CECR2: variants seen among roughly 807,000 people sequenced by gnomAD.
CECR2 encodes chromatin remodeling regulator CECR2.
CECR2 carries 30 observed loss-of-function variants against 154.5 expected under a neutral mutation model. The ratio of observed to expected loss-of-function variants is 0.19; its 90% CI spans 0.15 to 0.26. The LOEUF is 0.26. Ranked by LOEUF, CECR2 falls within the 10% of genes least tolerant of loss-of-function variation. The probability of loss-of-function intolerance (pLI) is 1.00; values close to 1 mark genes in which losing one functional copy is unlikely to be tolerated. For synonymous variants in CECR2, 725 were observed against 683.7 expected, an observed-to-expected ratio of 1.06 and a Z score of -0.94; for missense variants, 1,743 against 1,829.3, an observed-to-expected ratio of 0.95 and a Z score of 0.86.
intron 1 of CECR2, among the ~76,000 whole-genome samples, chr22:17,463,365 C>T (rs2054974240): frequency 6.7e-6 from 1 of 149,782 alleles, no homozygotes. Flanking sequence ...GTTTCGAAGG[C>T]TCACTAGCTG....
intron 7 of CECR2, among the ~76,000 whole-genome samples, chr22:17,505,883 C>T (rs1036314490): frequency 3.9e-5 from 5 of 127,294 alleles, no homozygotes; most frequent in South Asian, 2.7e-4. Context: ...CTCACTTTGT[C>T]GCCCAGACTG....
intron 1 of CECR2, among the ~76,000 whole-genome samples, chr22:17,397,202 T>A (rs2053824680): frequency 6.6e-6 from 1 of 152,108 alleles, no homozygotes; most frequent in African/African-American, 2.4e-5. Flanking sequence ...AGTGGCGTGA[T>A]CTCAGCTCAC....
rs1420996071 is a variant in CECR2, at chr22:17,497,392, C to G, written c.222-11C>G. The stretch of plus-strand genomic sequence containing the variant: ...TATTAATGTATTTTTGTGTTTGGGG[C>G]CCTGGTCTAGGCCTCAGACATTCCA... On this transcript the variant is annotated splice_polypyrimidine_tract_variant and intron_variant, in intron 2 of 18. Coordinates refer to ENST00000262608, the MANE Select transcript of CECR2 (RefSeq NM_001290047.2). 6.2e-7 allele frequency: 1 copy of G among 1,608,814 alleles called. No homozygotes were observed. Among genetic ancestry groups the G allele is most frequent in the East Asian group, 2.2e-5 (1 of 44,760 alleles).
chr22:17,548,535 G>A lies in CECR2; in HGVS notation c.3248G>A (p.Arg1083Lys). The part of the protein sequence containing the change: ...SSGSEKLLCP[R>K]GRTLQETMPC... ...GGTTCCGAAAAGCTGCTCTGCCCCA[G>A]AGGCAGAACGTTGCAGGAAACCATG... is the stretch of plus-strand genomic sequence containing the variant. Residue 1083 changes from arginine (R) to lysine (K), a missense_variant, in exon 17 of 19, where the codon AGA (arginine) becomes AAA (lysine). Transcript: ENST00000262608. 6.2e-7 allele frequency: 1 copy of A among 1,613,802 alleles called. No homozygotes were observed. The highest frequency in any genetic ancestry group is 1.1e-5 in the South Asian group (1 of 91,042).
chr22:17,530,249 G>A (rs886283460), intron 9 of CECR2, among the ~76,000 whole-genome samples: 1 of 151,530 alleles, frequency 6.6e-6, no homozygotes, highest in Non-Finnish European at 1.5e-5. Flanking sequence ...GTTTTGAGAC[G>A]GAGTGTCGCT....
intron 17 of CECR2, among the ~76,000 whole-genome samples, chr22:17,550,749 T>C (rs977363425): frequency 1.3e-5 from 2 of 152,200 alleles, no homozygotes; most frequent in Admixed American, 6.5e-5. Context: ...GAGACCATCC[T>C]GGCTAACACG....
intron 2 of CECR2, among the ~76,000 whole-genome samples, chr22:17,481,097 A>T (rs2055306907): frequency 6.8e-6 from 1 of 147,482 alleles, no homozygotes; most frequent in Non-Finnish European, 1.5e-5. Context: ...TAATCCCAGC[A>T]CTTTGGGAGG....
intron 1 of CECR2, among the ~76,000 whole-genome samples, chr22:17,471,421 G>A (rs942444802): frequency 6.6e-6 from 1 of 152,120 alleles, no homozygotes; most frequent in Non-Finnish European, 1.5e-5. Flanking sequence ...AACAAAGAAA[G>A]GATAATCAAA....
rs112959300 is a variant in CECR2, at chr22:17,447,196, G to A, written c.127-30392G>A. Reference sequence around the variant, plus strand: ...ACTACAGGTGCTGGCCACCATGCCCGGCTAATTTTTTGTGTTTTTTAGTAG... The same window carrying A: ...ACTACAGGTGCTGGCCACCATGCCCAGCTAATTTTTTGTGTTTTTTAGTAG... On this transcript the variant is annotated intron_variant, in intron 1 of 18. Coordinates refer to ENST00000262608, the MANE Select transcript of CECR2 (RefSeq NM_001290047.2). 3.8e-3 allele frequency among the ~76,000 whole-genome samples: 573 copies of A among 149,594 alleles called. 3 individuals carry two copies. Among genetic ancestry groups the A allele is most frequent in the African/African-American group, 0.012 (482 of 40,682 alleles).
intron 8 of CECR2, 110 bp downstream of exon 8, chr22:17,512,006 C>A: frequency 1.2e-6 from 1 of 813,236 alleles, no homozygotes; most frequent in Non-Finnish European, 1.9e-6. Context: ...TTTTCCTAAA[C>A]CCCAAATGTT....
At chr22:17,467,426 G>C (rs1404967646) in intron 1 of CECR2, among the ~76,000 whole-genome samples, 1 of 152,176 alleles carries the variant, frequency 6.6e-6, no homozygotes, top group African/African-American at 2.4e-5. Flanking sequence ...GAGGGACTGA[G>C]ATCCAGTGCT....
intron 6 of CECR2, among the ~76,000 whole-genome samples, chr22:17,503,585 C>T (rs931908079): frequency 6.6e-6 from 1 of 152,160 alleles, no homozygotes; most frequent in Non-Finnish European, 1.5e-5. Flanking sequence ...AGCAAAGACT[C>T]AAAATCAAAA....
intron 2 of CECR2, among the ~76,000 whole-genome samples, chr22:17,481,778 A>T (rs146369391): frequency 6.6e-6 from 1 of 152,296 alleles, no homozygotes; most frequent in African/African-American, 2.4e-5. Context: ...GGTTATGGTG[A>T]TGCTGGTGTA....
At chr22:17,504,496 G>T (rs2055798943) in intron 6 of CECR2, among the ~76,000 whole-genome samples, 1 of 151,492 alleles carries the variant, frequency 6.6e-6, no homozygotes, top group African/African-American at 2.4e-5. Flanking sequence ...GAGTGCAGTG[G>T]CGTGATCTCG....
intron 1 of CECR2, among the ~76,000 whole-genome samples, chr22:17,451,248 C>A (rs535802214): frequency 2.0e-4 from 30 of 152,276 alleles, no homozygotes; most frequent in African/African-American, 7.0e-4. Context: ...GCAGCCATTA[C>A]AGGTAGATTT....
intron 1 of CECR2, among the ~76,000 whole-genome samples, chr22:17,471,289 G>A (rs2055122959): frequency 6.6e-6 from 1 of 152,150 alleles, no homozygotes; most frequent in African/African-American, 2.4e-5. Context: ...GTGGTCAGCT[G>A]CGAACCTGCT....
chr22:17,542,051 T>C (rs1392216238), intron 15 of CECR2, 84 bp downstream of exon 15: 10 of 1,571,742 alleles, frequency 6.4e-6, no homozygotes, highest in Admixed American at 1.8e-5. Flanking sequence ...GGTTAAATGT[T>C]GTTCATTGCG....
chr22:17,446,371 G>A (rs144919089), intron 1 of CECR2, among the ~76,000 whole-genome samples: 35 of 152,212 alleles, frequency 2.3e-4, no homozygotes, highest in African/African-American at 7.0e-4. Flanking sequence ...TGGTCTCACT[G>A]ACATCAAGAA....
At chr22:17,499,041 G>T (rs953427099) in intron 3 of CECR2, among the ~76,000 whole-genome samples, 4 of 152,088 alleles carry the variant, frequency 2.6e-5, no homozygotes, top group African/African-American at 9.7e-5. Flanking sequence ...CCAGGCTGGA[G>T]TGCAGTGGCA....
Sources: gnomAD v4.1 joint callset for allele counts (sites outside exome capture counted in the v4.1 genomes callset) on GRCh38, gnomAD v4.1.1 for gene constraint, MANE v1.5 for transcripts, NCBI Gene and HGNC (gene_info 2026-07-23, HGNC 2026-07-21) for gene names.